The following NALF1 variants were observed in gnomAD, a reference collection of about 807,000 sequenced individuals.
NALF1 encodes NALCN channel auxiliary factor 1.
A neutral mutation model predicts 48.4 loss-of-function variants in NALF1; 3 were observed. That is an observed-to-expected ratio of 0.06 (90% CI 0.03 to 0.16). The LOEUF (loss-of-function observed/expected upper bound fraction) is 0.16, where lower values mean the gene tolerates loss of function less well. Among genes scored for constraint, NALF1 ranks in the 10% least tolerant of loss-of-function variants. NALF1 has a pLI of 1.00. For missense variants in NALF1, 526 were observed against 571.5 expected (o/e 0.92, Z 0.81); for synonymous variants, 262 against 245.7 (o/e 1.07, Z -0.62).
At chr13:107,839,159 G>C (rs1879981134) in intron 1 of NALF1, among the ~76,000 whole-genome samples, 1 of 151,922 alleles carries the variant, frequency 6.6e-6, no homozygotes, top group African/African-American at 2.4e-5. Flanking sequence ...CTGACATTTA[G>C]TTGGCCTACC....
intron 1 of NALF1, among the ~76,000 whole-genome samples, chr13:107,859,567 CAAGA>C (rs1219775855): frequency 2.0e-5 from 3 of 152,078 alleles, no homozygotes; most frequent in African/African-American, 7.2e-5. Context: ...AATTTGTTGA[CAAGA>C]AAGAAGTCAT....
chr13:107,442,225 T>C (rs1241970578), intron 1 of NALF1, among the ~76,000 whole-genome samples: 1 of 152,098 alleles, frequency 6.6e-6, no homozygotes, highest in East Asian at 1.9e-4. Flanking sequence ...CTTGCTCTCT[T>C]GGTGGCCCAG....
chr13:107,783,128 C>T (rs1280429617), intron 1 of NALF1, among the ~76,000 whole-genome samples: 1 of 137,442 alleles, frequency 7.3e-6, no homozygotes, highest in African/African-American at 2.8e-5. Flanking sequence ...CTCTGCCCGG[C>T]CGCCCCTACT....
intron 1 of NALF1, among the ~76,000 whole-genome samples, chr13:107,514,155 G>C (rs2139089884): frequency 6.6e-6 from 1 of 152,216 alleles, no homozygotes; most frequent in Non-Finnish European, 1.5e-5. Context: ...ACATCTTTTT[G>C]AAAACTATTC....
chr13:107,601,085 A>G (rs1185280193), intron 1 of NALF1, among the ~76,000 whole-genome samples: 1 of 152,196 alleles, frequency 6.6e-6, no homozygotes, highest in Non-Finnish European at 1.5e-5. Context: ...CCCTGAAAGC[A>G]ATGTCAGTTG....
intron 1 of NALF1, among the ~76,000 whole-genome samples, chr13:107,505,521 T>A (rs892347082): frequency 6.6e-6 from 1 of 152,082 alleles, no homozygotes; most frequent in Non-Finnish European, 1.5e-5. Flanking sequence ...GATGGCAGGA[T>A]CTGCTGGTAG....
Position 107,826,993 on chromosome 13 carries a change from T to C in NALF1, c.915+38689A>G, listed in dbSNP as rs1378032785. Among the ~76,000 whole-genome samples the C allele has an allele frequency of 5.3e-5, 8 of 152,188 alleles. No homozygotes were observed. The East Asian group carries it at 5.8e-4, about 11-fold the overall frequency. ...TGAGAGGAGAGAAAGCAAGTTACCA[T>C]GTTGAGTGAAATCAGCATGCCTTCG... On this transcript the variant is annotated intron_variant, in intron 1 of 2. Transcript: ENST00000375915.
At chr13:107,616,385 T>C (rs1033762608) in intron 1 of NALF1, among the ~76,000 whole-genome samples, 8 of 152,200 alleles carry the variant, frequency 5.3e-5, no homozygotes, top group African/African-American at 1.7e-4. Flanking sequence ...CCAAGGACAT[T>C]TGCCACTTTT....
chr13:107,737,897 G>A (rs184383270), intron 1 of NALF1, among the ~76,000 whole-genome samples: 30 of 152,110 alleles, frequency 2.0e-4, no homozygotes, highest in East Asian at 1.5e-3. Flanking sequence ...ATGCATCCAC[G>A]TACAATTCGG....
At chr13:107,621,316 A>T (rs1030503226) in intron 1 of NALF1, among the ~76,000 whole-genome samples, 1 of 152,226 alleles carries the variant, frequency 6.6e-6, no homozygotes, top group African/African-American at 2.4e-5. Context: ...GAATGAAATA[A>T]TTGTAAATAC....
At chr13:107,297,165 T>C (rs979310659) in intron 1 of NALF1, among the ~76,000 whole-genome samples, 1 of 152,156 alleles carries the variant, frequency 6.6e-6, no homozygotes, top group Non-Finnish European at 1.5e-5. Context: ...AATATTCTTC[T>C]GGGCTTCATT....
At position 107,818,446 on chromosome 13, in the gene NALF1, G is replaced by C. The variant is rs75630211; in HGVS notation, c.915+47236C>G. ...CTGCACATAGCTGCTCCTATTGGAA[G>C]GGGGTTTGTGGAGGTTGAGTCCCAG... On this transcript the variant is annotated intron_variant, in intron 1 of 2. Transcript: ENST00000375915. Among the ~76,000 whole-genome samples, 128 of 152,280 alleles carry C rather than the reference G, an allele frequency of 8.4e-4. 1 individual carries two copies. The East Asian group carries it at 0.022, about 26-fold the overall frequency.
chr13:107,732,114 G>A (rs1424644802), intron 1 of NALF1, among the ~76,000 whole-genome samples: 1 of 151,956 alleles, frequency 6.6e-6, no homozygotes, highest in African/African-American at 2.4e-5. Context: ...TCAGCCCCCT[G>A]GGCAGCAGCT....
chr13:107,362,705 A>G lies in NALF1; in HGVS notation c.916-151950T>C, dbSNP rs1883085837. On this transcript the variant is annotated intron_variant, in intron 1 of 2. Transcript: ENST00000375915. This position sits in a 1 kb window ranked among gnomAD's most constrained non-coding sequence, Gnocchi z 4.6. Reference sequence around the variant, plus strand: ...TTTGCTGGGGGGACACAATTCTACCACCGACAAGTGTCTGGAGGGATGTGG... The same window carrying G: ...TTTGCTGGGGGGACACAATTCTACCGCCGACAAGTGTCTGGAGGGATGTGG... Among the ~76,000 whole-genome samples the G allele has an allele frequency of 6.6e-6, 1 of 152,028 alleles. No homozygotes were observed. The highest frequency in any genetic ancestry group is 2.4e-5 in the African/African-American group (1 of 41,364).
chr13:107,537,701 C>T (rs1423174859), intron 1 of NALF1, among the ~76,000 whole-genome samples: 3 of 152,066 alleles, frequency 2.0e-5, no homozygotes, highest in Non-Finnish European at 2.9e-5. Context: ...CAATGCACAG[C>T]ACACAGTAAG....
At chr13:107,395,513 G>C (rs149111074) in intron 1 of NALF1, among the ~76,000 whole-genome samples, 1 of 152,026 alleles carries the variant, frequency 6.6e-6, no homozygotes, top group Non-Finnish European at 1.5e-5. Flanking sequence ...CAGCTGGGTC[G>C]TCGAGAAGTG....
intron 1 of NALF1, among the ~76,000 whole-genome samples, chr13:107,262,769 G>GCGCGCTCT (rs36027059): frequency 9.0e-5 from 13 of 144,122 alleles, no homozygotes; most frequent in Admixed American, 4.2e-4. Flanking sequence ...ACCCACAGGC[G>GCGCGCTCT]CTCTCTCTCT....
At chr13:107,319,452 G>A (rs1284679989) in intron 1 of NALF1, among the ~76,000 whole-genome samples, 4 of 151,924 alleles carry the variant, frequency 2.6e-5, no homozygotes, top group African/African-American at 9.7e-5. Flanking sequence ...GAACACCACT[G>A]GATAAACAGG....
intron 1 of NALF1, among the ~76,000 whole-genome samples, chr13:107,430,303 ATTATAC>A (rs1415403604): frequency 2.6e-5 from 4 of 151,234 alleles, no homozygotes; most frequent in African/African-American, 9.7e-5. Context: ...TTTTTTTATT[ATTATAC>A]TTTAAGTTTT....
Sources: allele counts gnomAD v4.1 joint callset (sites outside exome capture counted in the v4.1 genomes callset), GRCh38; gene constraint gnomAD v4.1.1; non-coding constraint Gnocchi (gnomAD v3.1); transcripts MANE v1.5; gene names NCBI Gene and HGNC (gene_info 2026-07-23, HGNC 2026-07-21).